Variants in FAM228B observed in about 807,000 individuals in gnomAD.
The protein encoded by FAM228B is family with sequence similarity 228 member B, also known as protein FAM228B.
Under a neutral mutation model 42.6 loss-of-function variants are expected in FAM228B, and 38 were observed. The ratio of observed to expected loss-of-function variants is 0.89; its 90% CI spans 0.69 to 1.17. The LOEUF is 1.17. Ranked by LOEUF, FAM228B falls within the 50% of genes most tolerant of loss-of-function variation. The pLI, the probability that FAM228B is intolerant of heterozygous loss-of-function variation, is 0.00. For synonymous variants in FAM228B, 109 were observed against 122.3 expected, an observed-to-expected ratio of 0.89 and a Z score of 0.72; for missense variants, 344 against 367.3, an observed-to-expected ratio of 0.94 and a Z score of 0.52.
chr2:24,078,480 T>TAAAAAAAA (rs36089798), intron 1 of FAM228B, among the ~76,000 whole-genome samples: 1 of 104,954 alleles, frequency 9.5e-6, no homozygotes. Flanking sequence ...CCTGTCTCCA[T>TAAAAAAAA]AAAAAAAAAA....
chr2:24,146,847 C>T lies in FAM228B; in HGVS notation c.529+12C>T. 1 of 1,540,508 alleles carries T rather than the reference C, an allele frequency of 6.5e-7. No homozygotes were observed. Among genetic ancestry groups the T allele is most frequent in the South Asian group, 1.2e-5 (1 of 83,632 alleles). ...TCAGTGTGAGACTGGTACTTAGTTC[C>T]TAATTGTTATGTGATTTCATAGCCC... is the stretch of plus-strand genomic sequence containing the variant. On this transcript the variant is annotated intron_variant, in intron 6 of 10. Coordinates refer to ENST00000615575, the MANE Select transcript of FAM228B (RefSeq NM_001145710.2).
At position 24,088,547 on chromosome 2, in the gene FAM228B, C is replaced by T. The variant is rs950625268; in HGVS notation, c.-209-6594C>T. ...TGCATATTTAGTAGAGACAGGGTTTCGCCATGTTGGCCAGGCTGGTCTTGA... is the reference window on the plus strand; with the variant it reads ...TGCATATTTAGTAGAGACAGGGTTTTGCCATGTTGGCCAGGCTGGTCTTGA... On this transcript the variant is annotated intron_variant, in intron 2 of 10. Coordinates refer to the FAM228B transcript ENST00000613899. Among the ~76,000 whole-genome samples, 12 of 152,050 alleles carry T rather than the reference C, an allele frequency of 7.9e-5. No homozygotes were observed. In the South Asian group the frequency reaches 2.1e-3, roughly 26 times the overall value.
intron 2 of FAM228B, among the ~76,000 whole-genome samples, chr2:24,089,999 C>A (rs529948449): frequency 2.9e-5 from 4 of 139,082 alleles, no homozygotes; most frequent in Non-Finnish European, 4.6e-5. Flanking sequence ...AAACGCCGGG[C>A]GCAGTGACTC....
chr2:24,090,973 C>T (rs7604723), intron 2 of FAM228B, among the ~76,000 whole-genome samples: 18,113 of 152,020 alleles, frequency 0.12, 1,263 homozygotes, highest in South Asian at 0.18. Context: ...GTTTGTTTAT[C>T]GTTTGTTTTG....
At chr2:24,127,813 C>A (rs766752647) in intron 2 of FAM228B, among the ~76,000 whole-genome samples, 6 of 152,104 alleles carry the variant, frequency 3.9e-5, no homozygotes, top group Non-Finnish European at 7.3e-5. Flanking sequence ...CAGATGTGCA[C>A]CACCATGCCC....
intron 3 of FAM228B, among the ~76,000 whole-genome samples, chr2:24,110,512 C>T (rs1264921393): frequency 1.3e-5 from 2 of 152,144 alleles, no homozygotes; most frequent in African/African-American, 2.4e-5. Context: ...ATTATGCCTA[C>T]ATAACAGAAG....
intron 3 of FAM228B, among the ~76,000 whole-genome samples, chr2:24,108,365 TA>T (rs1200464068): frequency 6.6e-6 from 1 of 152,014 alleles, no homozygotes; most frequent in Admixed American, 6.6e-5. Flanking sequence ...ACCTGATGTA[TA>T]AAGAAAAGCT....
chr2:24,092,302 T>C (rs966886899), intron 2 of FAM228B, among the ~76,000 whole-genome samples: 18 of 143,612 alleles, frequency 1.3e-4, no homozygotes, highest in Non-Finnish European at 1.8e-4. Flanking sequence ...CAGCCAAGCA[T>C]AGTGGCTCAG....
At chr2:24,125,427 G>A (rs1201628389) in intron 2 of FAM228B, among the ~76,000 whole-genome samples, 2 of 152,074 alleles carry the variant, frequency 1.3e-5, no homozygotes, top group Non-Finnish European at 1.5e-5. Context: ...GTATACACAC[G>A]AAAACATCAC....
intron 2 of FAM228B, among the ~76,000 whole-genome samples, chr2:24,088,431 A>G (rs1328712799): frequency 6.6e-6 from 1 of 151,904 alleles, no homozygotes; most frequent in African/African-American, 2.4e-5. Context: ...GCTCACTGCA[A>G]TCTCTGTCTC....
chr2:24,103,039 TCTCA>T (rs1665636249), intron 3 of FAM228B, among the ~76,000 whole-genome samples: 2 of 152,236 alleles, frequency 1.3e-5, no homozygotes, highest in African/African-American at 2.4e-5. Flanking sequence ...GTTCACTGTT[TCTCA>T]CTGATACTTT....
Position 24,135,190 on chromosome 2 carries a change from A to G in FAM228B, c.168+3A>G. 1.4e-6 allele frequency: 2 copies of G among 1,459,042 alleles called. No homozygotes were observed. Among genetic ancestry groups the G allele is most frequent in the East Asian group, 2.5e-5 (1 of 40,112 alleles). 90.4% of individuals were successfully genotyped at this position (1,459,042 alleles called of 1,614,324 possible). On this transcript the variant is annotated splice_donor_region_variant and intron_variant, in intron 3 of 10. Coordinates refer to ENST00000615575, the MANE Select transcript of FAM228B (RefSeq NM_001145710.2). ...ACAAAGAAAATTCTGTAATTAAGGT[A>G]AGAATTGGCTACAAAATGCATCTCA...
At chr2:24,098,221 G>T (rs1387625820) in intron 3 of FAM228B, among the ~76,000 whole-genome samples, 2 of 152,062 alleles carry the variant, frequency 1.3e-5, no homozygotes, top group African/African-American at 4.8e-5. Flanking sequence ...ACAATTAAAA[G>T]AACTAAAGAA....
In FAM228B at chr2:24,133,911, A is replaced by C. The variant is rs561616524; in HGVS notation, c.100-1208A>C. ...TAAGTGACAGAGCAAGACTGTCTCC[A>C]AAATAAGTACATTAAAAATAAAATT... On this transcript the variant is annotated intron_variant, in intron 2 of 10. Coordinates refer to ENST00000615575, the MANE Select transcript of FAM228B (RefSeq NM_001145710.2). Among the ~76,000 whole-genome samples, 3 of 152,320 alleles carry C rather than the reference A, an allele frequency of 2.0e-5. No individual in the cohort carries two copies. The East Asian group carries it at 5.8e-4, about 29-fold the overall frequency.
intron 7 of FAM228B, among the ~76,000 whole-genome samples, chr2:24,147,343 A>G (rs1365705318): frequency 2.0e-5 from 3 of 151,702 alleles, no homozygotes; most frequent in Admixed American, 6.6e-5. Context: ...TAGCTAGATT[A>G]TGATCTGTTT....
At chr2:24,144,913 A>G (rs1402270794) in intron 5 of FAM228B, among the ~76,000 whole-genome samples, 4 of 152,112 alleles carry the variant, frequency 2.6e-5, no homozygotes, top group Non-Finnish European at 5.9e-5. Context: ...CATTGGCGAG[A>G]GCCCACAAGC....
At chr2:24,090,712 G>A (rs1256236815) in intron 2 of FAM228B, among the ~76,000 whole-genome samples, 1 of 151,952 alleles carries the variant, frequency 6.6e-6, no homozygotes, top group Non-Finnish European at 1.5e-5. Context: ...ATCAATAGAG[G>A]CCAAAAAGGC....
At chr2:24,079,410 T>C in intron 1 of FAM228B, 1 of 1,608,510 alleles carries the variant, frequency 6.2e-7, no homozygotes, top group Non-Finnish European at 8.5e-7. Flanking sequence ...TTTTCTGGGT[T>C]AAATCACATG....
At chr2:24,091,121 T>C (rs1665380868) in intron 2 of FAM228B, among the ~76,000 whole-genome samples, 1 of 152,250 alleles carries the variant, frequency 6.6e-6, no homozygotes, top group African/African-American at 2.4e-5. Context: ...AGCCTCCTTT[T>C]GTTGTTGATA....
Sources: allele counts gnomAD v4.1 joint callset (sites outside exome capture counted in the v4.1 genomes callset), GRCh38; gene constraint gnomAD v4.1.1; transcripts MANE v1.5; gene names NCBI Gene and HGNC (gene_info 2026-07-23, HGNC 2026-07-21).